Variants in SYNE1 observed in about 807,000 individuals in gnomAD.
SYNE1 encodes the protein nesprin-1.
SYNE1 carries 616 observed loss-of-function variants against 1,111.0 expected under a neutral mutation model. That is an observed-to-expected ratio of 0.55 (90% CI 0.52 to 0.59). The LOEUF is 0.59. SYNE1 is among the 20% of genes least tolerant of loss of function. The pLI is 0.00. For synonymous variants in SYNE1, 3,855 were observed against 3,825.8 expected, an observed-to-expected ratio of 1.01 and a Z score of -0.28; for missense variants, 10,006 against 10,417.0, an observed-to-expected ratio of 0.96 and a Z score of 1.72.
intron 3 of SYNE1, among the ~76,000 whole-genome samples, chr6:152,615,489 G>A (rs2099643406): frequency 6.6e-6 from 1 of 151,772 alleles, no homozygotes; most frequent in Non-Finnish European, 1.5e-5. Flanking sequence ...AAATATATCA[G>A]AAATAACATT....
chr6:152,471,973 C>A (rs547022145), intron 15 of SYNE1: 82 of 609,894 alleles, frequency 1.3e-4, no homozygotes, highest in African/African-American at 1.3e-3. Flanking sequence ...TTAGTTCTTT[C>A]CCCTGCCAAC....
chr6:152,511,139 T>G, intron 6 of SYNE1, 36 bp from the exon 7 acceptor site: 3 of 1,534,756 alleles, frequency 2.0e-6, no homozygotes, highest in Non-Finnish European at 2.7e-6. Flanking sequence ...AGTAATGTAC[T>G]AGAATATTAT....
rs756178450 is a variant in SYNE1 at position 152,221,057 on chromosome 6, T to C, written c.21657-11A>G. 4 of 1,613,852 alleles carry C rather than the reference T, an allele frequency of 2.5e-6. No individual in the cohort carries two copies. Among genetic ancestry groups the C allele is most frequent in the Non-Finnish European group, 2.5e-6 (3 of 1,179,842 alleles). On this transcript the variant is annotated splice_polypyrimidine_tract_variant and intron_variant, in intron 118 of 145. Coordinates refer to ENST00000367255, the MANE Select transcript of SYNE1 (RefSeq NM_182961.4). ...AGCAAGTTATTCCATCTGGAAATAA[T>C]AACCAACACTCATGAGCAGATTACC...
At chr6:152,291,506 T>C (rs1182004384) in intron 95 of SYNE1, among the ~76,000 whole-genome samples, 1 of 152,186 alleles carries the variant, frequency 6.6e-6, no homozygotes, top group Non-Finnish European at 1.5e-5. Context: ...TTGAGTTGTC[T>C]CCATTAAATC....
chr6:152,388,946 T>C (rs942928717), intron 53 of SYNE1, among the ~76,000 whole-genome samples: 3 of 152,230 alleles, frequency 2.0e-5, no homozygotes, highest in East Asian at 1.9e-4. Context: ...GTCTATGATA[T>C]AGAGTAAGAC....
rs534173641 is a variant in SYNE1 at position 152,514,518 on chromosome 6, C to G, written c.310-3415G>C. ...GGGGAGGGATAGCATTAGGAAATAC[C>G]TAATGTAGATGATGGGTTGGTGGGT... On this transcript the variant is annotated intron_variant, in intron 6 of 145. Transcript: ENST00000367255. Among the ~76,000 whole-genome samples the G allele has an allele frequency of 1.0e-3, 153 of 152,036 alleles. 2 individuals carry two copies. The highest frequency in any genetic ancestry group is 6.8e-3 in the Middle Eastern group (2 of 294).
At chr6:152,191,936 T>C (rs1384363374) in intron 127 of SYNE1, among the ~76,000 whole-genome samples, 1 of 152,200 alleles carries the variant, frequency 6.6e-6, no homozygotes, top group African/African-American at 2.4e-5. Context: ...GGTTTTGGTA[T>C]GTTGTGTTTC....
chr6:152,573,230 G>C (rs1467696627), intron 3 of SYNE1, among the ~76,000 whole-genome samples: 1 of 151,518 alleles, frequency 6.6e-6, no homozygotes, highest in Non-Finnish European at 1.5e-5. Flanking sequence ...TGTGCACAAC[G>C]TGCAGGTTTG....
Position 152,436,059 on chromosome 6 carries a change from T to C in SYNE1, c.4192A>G (p.Asn1398Asp), listed in dbSNP as rs758427132. ...ATCTCTGAAGCTTCCTTTACAAGGTTCTCAGCCTGGACTGCAATACTTTCT... is the reference window on the plus strand; with the variant it reads ...ATCTCTGAAGCTTCCTTTACAAGGTCCTCAGCCTGGACTGCAATACTTTCT... ...RTESIAVQAE[N>D]LVKEASEIPL... The change falls in exon 33 of 146, where the codon AAC becomes GAC. Residue 1398 changes from asparagine (N) to aspartate (D), a missense_variant. Transcript: ENST00000367255. 3.1e-6 allele frequency: 5 copies of C among 1,613,986 alleles called. No homozygotes were observed. The Admixed American group carries it at 6.7e-5, about 22-fold the overall frequency.
At chr6:152,370,963 T>C (rs1305433651) in intron 59 of SYNE1, among the ~76,000 whole-genome samples, 1 of 152,196 alleles carries the variant, frequency 6.6e-6, no homozygotes, top group African/African-American at 2.4e-5. Context: ...TTCTGGAGTA[T>C]TCTACCAAAA....
In SYNE1 at chr6:152,375,229, C is replaced by T. The variant is rs533753814; in HGVS notation, c.9324+1152G>A. 1.5e-4 allele frequency among the ~76,000 whole-genome samples: 23 copies of T among 152,270 alleles called. No homozygotes were observed. The East Asian group carries it at 2.5e-3, about 17-fold the overall frequency. On this transcript the variant is annotated intron_variant, in intron 58 of 145. Transcript: ENST00000367255. ...AAGTGCTGGGATTATAGGTGTGAGC[C>T]GCCGCGCCTGGCTTGGAAGAATTTT...
intron 127 of SYNE1, among the ~76,000 whole-genome samples, chr6:152,190,839 T>A (rs2813528): frequency 2.0e-5 from 3 of 152,002 alleles, no homozygotes; most frequent in Non-Finnish European, 4.4e-5. Flanking sequence ...AAAGTGGACA[T>A]CCTTGTTGTG....
At position 152,278,195 on chromosome 6, in the gene SYNE1, G is replaced by C. The variant is rs1386440825; in HGVS notation, c.18467C>G (p.Ala6156Gly). 6.2e-7 allele frequency: 1 copy of C among 1,614,166 alleles called. No individual in the cohort carries two copies. Among genetic ancestry groups the C allele is most frequent in the East Asian group, 2.2e-5 (1 of 44,876 alleles). The change falls in exon 98 of 146, where the codon GCT becomes GGT. Residue 6156 changes from alanine to glycine, a missense_variant. Coordinates refer to ENST00000367255, the MANE Select transcript of SYNE1 (RefSeq NM_182961.4). ...CTGCTCGGCCTCGTCCTTGGTGTGAGCTTTGCCCTCCAGCAGCAGGTTCTC... is the reference window on the plus strand; with the variant it reads ...CTGCTCGGCCTCGTCCTTGGTGTGACCTTTGCCCTCCAGCAGCAGGTTCTC... ...HNENLLLEGK[A>G]HTKDEAEQLA...
intron 3 of SYNE1, among the ~76,000 whole-genome samples, chr6:152,545,185 G>A (rs1461310367): frequency 6.6e-6 from 1 of 152,062 alleles, no homozygotes; most frequent in Non-Finnish European, 1.5e-5. Context: ...ACATAATAAT[G>A]CATAATGTAT....
At chr6:152,324,733 G>A (rs2153946298) in intron 81 of SYNE1, among the ~76,000 whole-genome samples, 1 of 152,202 alleles carries the variant, frequency 6.6e-6, no homozygotes, top group East Asian at 1.9e-4. Flanking sequence ...CCCGGGAGGC[G>A]GAGCTTGCAG....
intron 130 of SYNE1, among the ~76,000 whole-genome samples, chr6:152,165,757 T>A (rs780307973): frequency 3.9e-5 from 6 of 152,184 alleles, no homozygotes; most frequent in Non-Finnish European, 7.4e-5. Context: ...TTCCAAGAAC[T>A]TTTACATACA....
At chr6:152,483,641 T>G (rs560219887) in intron 13 of SYNE1, among the ~76,000 whole-genome samples, 14 of 152,210 alleles carry the variant, frequency 9.2e-5, no homozygotes, top group Admixed American at 6.5e-4. Flanking sequence ...TGTATCTTGG[T>G]CGTCGGAATG....
At chr6:152,276,104 G>A (rs1361697199) in intron 98 of SYNE1, among the ~76,000 whole-genome samples, 6 of 141,978 alleles carry the variant, frequency 4.2e-5, no homozygotes, top group African/African-American at 1.3e-4. Context: ...GCACAATCTC[G>A]GCTCACTGCA....
Position 152,633,892 on chromosome 6 carries a change from C to T in SYNE1, c.-224+2746G>A, listed in dbSNP as rs577323744. Among the ~76,000 whole-genome samples, 10 of 105,322 alleles carry T rather than the reference C, an allele frequency of 9.5e-5. No homozygotes were observed. In the East Asian group the frequency reaches 1.8e-3, roughly 19 times the overall value. The allele number at this position is 105,322 out of a possible 152,430, so 69.1% of individuals were successfully genotyped here. ...TCTTCTTAGGAATTTGGACTACCTGCTATTTGGGATGCTCCCAGTTGAAAG... is the reference window on the plus strand; with the variant it reads ...TCTTCTTAGGAATTTGGACTACCTGTTATTTGGGATGCTCCCAGTTGAAAG... On this transcript the variant is annotated intron_variant, in intron 2 of 145. Transcript: ENST00000367255.
Sources: gnomAD v4.1 joint callset for allele counts (sites outside exome capture counted in the v4.1 genomes callset) on GRCh38, gnomAD v4.1.1 for gene constraint, MANE v1.5 for transcripts, NCBI Gene and HGNC (gene_info 2026-07-23, HGNC 2026-07-21) for gene names.